The following FMN1 variants were observed in gnomAD, a reference collection of about 807,000 sequenced individuals.
FMN1 encodes formin 1.
Under a neutral mutation model 132.4 loss-of-function variants are expected in FMN1, and 110 were observed. The ratio of observed to expected loss-of-function variants is 0.83; its 90% CI spans 0.71 to 0.97. The LOEUF is 0.97. FMN1 is among the 50% of genes least tolerant of loss of function. The pLI is 0.00. For synonymous variants in FMN1, 722 were observed against 651.7 expected, an observed-to-expected ratio of 1.11 and a Z score of -1.64; for missense variants, 1,792 against 1,705.3, an observed-to-expected ratio of 1.05 and a Z score of -0.90.
intron 7 of FMN1, among the ~76,000 whole-genome samples, chr15:33,003,680 T>C (rs2034247431): frequency 6.6e-6 from 1 of 152,106 alleles, no homozygotes; most frequent in African/African-American, 2.4e-5. Context: ...CTTCACAGAA[T>C]TGGAAAAAAC....
At position 32,976,264 on chromosome 15, in the gene FMN1, T is replaced by G. The variant is rs572254017; in HGVS notation, c.2224-6787A>C. Among the ~76,000 whole-genome samples, 94 of 152,200 alleles carry G rather than the reference T, an allele frequency of 6.2e-4. No individual in the cohort carries two copies. The South Asian group carries it at 7.5e-3, about 12-fold the overall frequency. On this transcript the variant is annotated intron_variant, in intron 7 of 20. Coordinates refer to ENST00000616417, the MANE Select transcript of FMN1 (RefSeq NM_001277313.2). ...AGGCTCAACAAAGCTTTGTCACCTC[T>G]GAAAAGTGCAGCGTGAGCAGAAGAA...
chr15:32,893,364 G>C (rs957330222), intron 15 of FMN1, among the ~76,000 whole-genome samples: 1 of 146,380 alleles, frequency 6.8e-6, no homozygotes, highest in Non-Finnish European at 1.5e-5. Flanking sequence ...TCCTGGTTTT[G>C]ATTGCGTGTG....
At chr15:33,083,703 T>C (rs929549010) in intron 5 of FMN1, among the ~76,000 whole-genome samples, 9 of 152,278 alleles carry the variant, frequency 5.9e-5, no homozygotes, top group African/African-American at 2.2e-4. Flanking sequence ...TCATCTTGAA[T>C]AGGGGATGGG....
intron 6 of FMN1, among the ~76,000 whole-genome samples, chr15:33,040,246 C>T (rs934826933): frequency 1.3e-5 from 2 of 152,220 alleles, no homozygotes; most frequent in African/African-American, 4.8e-5. Flanking sequence ...GAAGCCTGTC[C>T]TAATTACTTA....
intron 4 of FMN1, among the ~76,000 whole-genome samples, chr15:33,118,917 A>C (rs1293380162): frequency 3.9e-5 from 5 of 126,796 alleles, no homozygotes; most frequent in Admixed American, 1.5e-4. Context: ...CTTCCTTTAC[A>C]AAAAAAAAAA....
At position 33,010,910 on chromosome 15, in the gene FMN1, AAAAT is replaced by A. The variant is rs1420940146; in HGVS notation, c.2162-2839_2162-2836del. Among the ~76,000 whole-genome samples, 188 of 152,124 alleles carry A rather than the reference AAAAT, an allele frequency of 1.2e-3. 1 individual carries two copies. The highest frequency in any genetic ancestry group is 4.1e-3 in the African/African-American group (170 of 41,534). Reference sequence around the variant, plus strand: ...ATTGACATATTTTACTAAAAAAAAAAAAATAAACGCAGAAAGACAAGTGGGCAAG... The same window carrying A: ...ATTGACATATTTTACTAAAAAAAAAAAAACGCAGAAAGACAAGTGGGCAAG... On this transcript the variant is annotated intron_variant, in intron 6 of 20. Coordinates refer to ENST00000616417, the MANE Select transcript of FMN1 (RefSeq NM_001277313.2).
At chr15:33,019,023 C>A (rs1300331593) in intron 6 of FMN1, among the ~76,000 whole-genome samples, 1 of 152,194 alleles carries the variant, frequency 6.6e-6, no homozygotes, top group Non-Finnish European at 1.5e-5. Context: ...AAAGCTTCCA[C>A]CATGCGGAAG....
At chr15:32,786,320 G>A (rs963108006) in intron 19 of FMN1, among the ~76,000 whole-genome samples, 2 of 152,106 alleles carry the variant, frequency 1.3e-5, no homozygotes, top group Admixed American at 1.3e-4. Context: ...TAAGGTTTCC[G>A]TGGTATAAAA....
intron 17 of FMN1, among the ~76,000 whole-genome samples, chr15:32,806,706 C>T (rs1053871374): frequency 6.6e-5 from 10 of 152,198 alleles, no homozygotes; most frequent in Admixed American, 1.3e-4. Context: ...GCGCACTGAG[C>T]GTGCACATTG....
rs1388984251 is a variant in FMN1 at position 32,767,812 on chromosome 15, G to A, written c.*6498C>T. On this transcript the variant is annotated 3_prime_UTR_variant, in exon 21 of 21. Coordinates refer to ENST00000616417, the MANE Select transcript of FMN1 (RefSeq NM_001277313.2). ...CCCCAAAACCTATTTGTGTCATTGC[G>A]AGCAAACAGAAGAATTGATACTAGA... The A allele has an allele frequency of 6.6e-6, 1 of 152,102 alleles. No homozygotes were observed. Among genetic ancestry groups the A allele is most frequent in the Admixed American group, 6.6e-5 (1 of 15,264 alleles). 9.4% of individuals were successfully genotyped at this position (152,102 alleles called of 1,614,324 possible). A position where few individuals can be genotyped will look rare whatever the true frequency, so the allele number is the denominator to read the frequency against.
intron 4 of FMN1, among the ~76,000 whole-genome samples, chr15:33,137,676 G>A (rs984727937): frequency 5.9e-5 from 9 of 152,224 alleles, no homozygotes; most frequent in Middle Eastern, 3.4e-3. Flanking sequence ...TATGTAAAAT[G>A]CTTGCACATT....
chr15:33,063,978 T>C (rs2037601565), intron 6 of FMN1: 1 of 152,184 alleles, frequency 6.6e-6, no homozygotes, highest in African/African-American at 2.4e-5. Context: ...AAGAAAATGC[T>C]ATGAAGTAAC....
intron 8 of FMN1, among the ~76,000 whole-genome samples, chr15:32,967,209 T>C (rs1198391416): frequency 6.6e-6 from 1 of 152,222 alleles, no homozygotes. Flanking sequence ...TAGACAATGA[T>C]TGTCTCCAGC....
chr15:33,101,794 A>G (rs573060452), intron 4 of FMN1, among the ~76,000 whole-genome samples: 1 of 152,188 alleles, frequency 6.6e-6, no homozygotes, highest in East Asian at 1.9e-4. Flanking sequence ...ACAGAATAGA[A>G]CCCAAATTCT....
intron 16 of FMN1, among the ~76,000 whole-genome samples, chr15:32,883,742 T>C (rs543540856): frequency 6.6e-6 from 1 of 152,222 alleles, no homozygotes; most frequent in South Asian, 2.1e-4. Flanking sequence ...GTAAAAATAT[T>C]ACTAAGTAGA....
At chr15:33,129,002 T>TTTTACAGAGTGCTGATTGGTCCAC (rs1483254770) in intron 4 of FMN1, among the ~76,000 whole-genome samples, 2 of 95,650 alleles carry the variant, frequency 2.1e-5, no homozygotes, top group Admixed American at 1.8e-4. Flanking sequence ...GATTGGTCCA[T>TTTTACAGAGTGCTGATTGGTCCAC]TTTTACAGAA....
chr15:33,015,139 A>C (rs938452247), intron 6 of FMN1, among the ~76,000 whole-genome samples: 1 of 152,130 alleles, frequency 6.6e-6, no homozygotes, highest in Non-Finnish European at 1.5e-5. Context: ...GGCTCTGCAG[A>C]GTTTTTGTTT....
intron 17 of FMN1, among the ~76,000 whole-genome samples, chr15:32,809,956 T>G (rs7181402): frequency 0.62 from 93,714 of 151,686 alleles, 29,316 homozygotes; most frequent in African/African-American, 0.71. Context: ...GTCTTGTTCT[T>G]TCACCCAGGC....
chr15:33,100,368 G>A (rs1450093979), intron 4 of FMN1, among the ~76,000 whole-genome samples: 4 of 152,102 alleles, frequency 2.6e-5, no homozygotes, highest in Non-Finnish European at 5.9e-5. Context: ...TACACTCAAA[G>A]GTTTCTGGTA....
Sources: gnomAD v4.1 joint callset for allele counts (sites outside exome capture counted in the v4.1 genomes callset) on GRCh38, gnomAD v4.1.1 for gene constraint, MANE v1.5 for transcripts, NCBI Gene and HGNC (gene_info 2026-07-23, HGNC 2026-07-21) for gene names.